The following SCAI variants were observed in gnomAD, a reference collection of about 807,000 sequenced individuals.
The protein encoded by SCAI is protein SCAI.
Under a neutral mutation model 92.2 loss-of-function variants are expected in SCAI, and 24 were observed. The observed-to-expected ratio is 0.26, with a 90% CI of 0.19 to 0.37. The LOEUF is 0.37. Among genes scored for constraint, SCAI ranks in the 10% least tolerant of loss-of-function variants. The pLI is 1.00. For synonymous variants in SCAI, 261 were observed against 258.6 expected (o/e 1.01, Z -0.09); for missense variants, 450 against 736.2 (o/e 0.61, Z 4.50).
In SCAI at chr9:125,118,521, A is replaced by AATAAATAG. The variant is rs1300606114; in HGVS notation, c.98+24111_98+24112insCTATTTAT. On this transcript the variant is annotated intron_variant, in intron 2 of 17. Coordinates refer to ENST00000336505, the MANE Select transcript of SCAI (RefSeq NM_001144877.3). ...GACAGAGACCCTGTCTCAATAAATA[A>AATAAATAG]ATAAATAAATAAATAAAGCATAATG... Among the ~76,000 whole-genome samples, 10 of 151,900 alleles carry AATAAATAG rather than the reference A, an allele frequency of 6.6e-5. No individual in the cohort carries two copies. In the East Asian group the frequency reaches 1.7e-3, roughly 26 times the overall value.
chr9:124,971,922 A>T, intron 15 of SCAI, 78 bp from the exon 16 acceptor site: 1 of 661,526 alleles, frequency 1.5e-6, no homozygotes, highest in Admixed American at 3.7e-5. Flanking sequence ...ACATTTTAAT[A>T]TACTGATAAT....
intron 2 of SCAI, among the ~76,000 whole-genome samples, chr9:125,074,166 G>C (rs1043731597): frequency 5.3e-5 from 8 of 150,474 alleles, no homozygotes; most frequent in Non-Finnish European, 1.2e-4. Flanking sequence ...GGCTGAGGCA[G>C]GAAAATTGCT....
intron 2 of SCAI, among the ~76,000 whole-genome samples, chr9:125,121,473 C>G (rs1165951955): frequency 1.3e-5 from 2 of 151,990 alleles, no homozygotes; most frequent in Non-Finnish European, 2.9e-5. Context: ...TCCTTTTCCA[C>G]TTTGGAAATG....
At chr9:124,965,910 G>A (rs1831529755) in intron 17 of SCAI, among the ~76,000 whole-genome samples, 1 of 152,084 alleles carries the variant, frequency 6.6e-6, no homozygotes, top group Non-Finnish European at 1.5e-5. Context: ...AACCACTAGA[G>A]ATCATTTTTT....
intron 3 of SCAI, among the ~76,000 whole-genome samples, chr9:125,052,720 T>C (rs1291792931): frequency 6.6e-6 from 1 of 152,062 alleles, no homozygotes; most frequent in Non-Finnish European, 1.5e-5. Context: ...ATCCAGAATA[T>C]ATAAACAATT....
chr9:125,029,590 T>C lies in SCAI; in HGVS notation c.326+54A>G. On this transcript the variant is annotated intron_variant, in intron 4 of 17. Coordinates refer to ENST00000336505, the MANE Select transcript of SCAI (RefSeq NM_001144877.3). ...GCACTGAAGTAGTGAAGATAAAAAC[T>C]GTGACTAATACAAAACAGGCCTTCA... 4 of 1,041,936 alleles carry C rather than the reference T, an allele frequency of 3.8e-6. No homozygotes were observed. In the South Asian group the frequency reaches 6.2e-5, roughly 16 times the overall value. The allele number at this position is 1,041,936 out of a possible 1,614,324, so 64.5% of individuals were successfully genotyped here.
chr9:125,041,909 T>G (rs1833323918), intron 3 of SCAI, among the ~76,000 whole-genome samples: 1 of 152,132 alleles, frequency 6.6e-6, no homozygotes, highest in Non-Finnish European at 1.5e-5. Flanking sequence ...ATGAGACATA[T>G]CACAGAAGTT....
chr9:125,044,891 G>C (rs1314727434), intron 3 of SCAI, among the ~76,000 whole-genome samples: 1 of 152,174 alleles, frequency 6.6e-6, no homozygotes, highest in Non-Finnish European at 1.5e-5. Flanking sequence ...GCTGCTTGAG[G>C]CACATCTAAT....
chr9:125,032,383 G>T (rs910118832), intron 3 of SCAI, among the ~76,000 whole-genome samples: 2 of 150,896 alleles, frequency 1.3e-5, no homozygotes, highest in Non-Finnish European at 3.0e-5. Context: ...GTACAGACGG[G>T]GTTTCGCCAT....
At chr9:124,968,355 G>T in intron 17 of SCAI, 1 of 1,199,714 alleles carries the variant, frequency 8.3e-7, no homozygotes, top group Non-Finnish European at 1.2e-6. Context: ...TAAGGCTTTA[G>T]TGAGCTCTGC....
chr9:125,020,803 T>G (rs1203013048), intron 6 of SCAI, 34 bp from the exon 7 acceptor site: 1 of 951,460 alleles, frequency 1.1e-6, no homozygotes, highest in African/African-American at 1.7e-5. Context: ...ACTCATTAGA[T>G]TAAAAAAGAA....
intron 9 of SCAI, among the ~76,000 whole-genome samples, chr9:125,013,424 A>C (rs1832679682): frequency 6.6e-6 from 1 of 152,232 alleles, no homozygotes; most frequent in Admixed American, 6.5e-5. Flanking sequence ...AAACTAGAAA[A>C]TCTAGAAGAA....
Position 125,026,872 on chromosome 9 carries a change from A to G in SCAI, c.452T>C (p.Phe151Ser). 1 of 1,609,262 alleles carries G rather than the reference A, an allele frequency of 6.2e-7. No individual in the cohort carries two copies. Among genetic ancestry groups the G allele is most frequent in the Non-Finnish European group, 8.5e-7 (1 of 1,176,222 alleles). The change falls in exon 6 of 18, where the codon TTT becomes TCT. Residue 151 changes from phenylalanine (F) to serine (S), a missense_variant. Coordinates refer to ENST00000336505, the MANE Select transcript of SCAI (RefSeq NM_001144877.3). ...TSETSYLNEA[F>S]SFYSAIRQRS... ...CTGTCTGATTGCAGAATAGAAGGAAAAAGCCTCATTCAGATAGCTGGTTTC... is the reference window on the plus strand; with the variant it reads ...CTGTCTGATTGCAGAATAGAAGGAAGAAGCCTCATTCAGATAGCTGGTTTC...
At chr9:125,024,300 G>A (rs1247411266) in intron 6 of SCAI, among the ~76,000 whole-genome samples, 11 of 144,152 alleles carry the variant, frequency 7.6e-5, no homozygotes, top group East Asian at 4.2e-4. Flanking sequence ...TTTTTGAGAC[G>A]GAGTCTCACT....
chr9:124,964,645 T>C (rs902117800), intron 17 of SCAI, among the ~76,000 whole-genome samples: 15 of 152,222 alleles, frequency 9.9e-5, no homozygotes, highest in Admixed American at 3.3e-4. Flanking sequence ...CTGGGGCAAG[T>C]AGGCCACTTT....
intron 2 of SCAI, among the ~76,000 whole-genome samples, chr9:125,125,947 C>CACAT (rs1835261667): frequency 6.7e-6 from 1 of 149,498 alleles, no homozygotes; most frequent in Non-Finnish European, 1.5e-5. Flanking sequence ...CACACACACA[C>CACAT]ACATTCTCTC....
chr9:125,063,649 T>C (rs1439961328), intron 2 of SCAI, among the ~76,000 whole-genome samples: 1 of 151,884 alleles, frequency 6.6e-6, no homozygotes, highest in Non-Finnish European at 1.5e-5. Flanking sequence ...AGCTACGCTA[T>C]TATCAGGCGA....
chr9:125,143,045 GTGCACTGCCCCCTCCACGCC>G (rs1835706076), intron 1 of SCAI, among the ~76,000 whole-genome samples: 1 of 71,302 alleles, frequency 1.4e-5, no homozygotes, highest in Non-Finnish European at 2.6e-5. Context: ...GTTCCCGACC[GTGCACTGCCCCCTCCACGCC>G]CCGCCTCTCC....
chr9:125,077,369 G>A (rs1198422565), intron 2 of SCAI, among the ~76,000 whole-genome samples: 1 of 152,188 alleles, frequency 6.6e-6, no homozygotes, highest in African/African-American at 2.4e-5. Context: ...GTGATGAACA[G>A]ACTTTCACTT....
Sources: allele counts gnomAD v4.1 joint callset (sites outside exome capture counted in the v4.1 genomes callset), GRCh38; gene constraint gnomAD v4.1.1; transcripts MANE v1.5; gene names NCBI Gene and HGNC (gene_info 2026-07-23, HGNC 2026-07-21).